Variants in ABLIM3 observed in about 807,000 individuals in gnomAD.
ABLIM3 encodes actin binding LIM protein family member 3.
In ABLIM3, 61 loss-of-function variants were observed where a neutral mutation model predicts 109.5. The ratio of observed to expected loss-of-function variants is 0.56; its 90% CI spans 0.45 to 0.69. The LOEUF (loss-of-function observed/expected upper bound fraction) is 0.69. ABLIM3 is among the 30% of genes least tolerant of loss of function. The pLI is 0.00. For synonymous variants in ABLIM3, 300 were observed against 324.8 expected, an observed-to-expected ratio of 0.92 and a Z score of 0.82; for missense variants, 796 against 889.5, an observed-to-expected ratio of 0.89 and a Z score of 1.34.
intron 2 of ABLIM3, chr5:149,177,000 T>G (rs1178446840): frequency 6.6e-6 from 1 of 152,292 alleles, no homozygotes; most frequent in Non-Finnish European, 1.5e-5. Flanking sequence ...CTTGTCCTCT[T>G]CTGTCTTGTC....
At chr5:149,174,780 C>T (rs1755774131) in intron 2 of ABLIM3, 1 of 152,192 alleles carries the variant, frequency 6.6e-6, no homozygotes, top group Non-Finnish European at 1.5e-5. Context: ...TGATGCCTGT[C>T]TGAACCCTAA....
At chr5:149,185,378 A>G (rs1407087601) in intron 3 of ABLIM3, among the ~76,000 whole-genome samples, 2 of 152,164 alleles carry the variant, frequency 1.3e-5, no homozygotes, top group Non-Finnish European at 2.9e-5. Flanking sequence ...TCCAAGTACA[A>G]TGAGAGAACA....
At chr5:149,250,640 G>A (rs1753832426) in intron 20 of ABLIM3, 135 bp downstream of exon 20, 20 of 1,016,736 alleles carry the variant, frequency 2.0e-5, no homozygotes, top group Middle Eastern at 4.5e-4. Context: ...CAACTGTATG[G>A]CAATGACTTG....
At chr5:149,206,863 G>A (rs1439915961) in intron 5 of ABLIM3, 145 bp from the exon 6 acceptor site, 3 of 1,061,790 alleles carry the variant, frequency 2.8e-6, no homozygotes, top group Non-Finnish European at 3.9e-6. Context: ...TCCCCTGGGA[G>A]AGCCTCTGGG....
In ABLIM3 at chr5:149,242,499, A is replaced by G. The variant is rs748597806; in HGVS notation, c.1312A>G (p.Ser438Gly). Residue 438 changes from serine (S) to glycine (G), a missense_variant, in exon 15 of 24, where the codon AGT becomes GGT. Transcript: ENST00000309868. ...PKHFHIPAGD[S>G]NIYRKPPIYK... ...CCTGGTCTGTCTGGCAGCTGGAGAC[A>G]GTAACATCTACCGGAAACCCCCGAT... is the stretch of plus-strand genomic sequence containing the variant. 1 of 1,614,092 alleles carries G rather than the reference A, an allele frequency of 6.2e-7. No homozygotes were observed. Among genetic ancestry groups the G allele is most frequent in the Admixed American group, 1.7e-5 (1 of 60,016 alleles).
At chr5:149,192,564 T>G (rs1229400169) in intron 3 of ABLIM3, among the ~76,000 whole-genome samples, 1 of 147,402 alleles carries the variant, frequency 6.8e-6, no homozygotes, top group Non-Finnish European at 1.5e-5. Context: ...AGGCAGAGCT[T>G]GCAGTGAGCC....
intron 8 of ABLIM3, among the ~76,000 whole-genome samples, chr5:149,225,982 G>GTATATATATATA (rs58844908): frequency 4.4e-4 from 20 of 45,516 alleles, no homozygotes; most frequent in Admixed American, 1.6e-3. Context: ...GTGTGTGTGT[G>GTATATATATATA]TATATATATA....
At chr5:149,257,511 T>C (rs1754541012) in intron 23 of ABLIM3, among the ~76,000 whole-genome samples, 2 of 152,238 alleles carry the variant, frequency 1.3e-5, no homozygotes, top group African/African-American at 4.8e-5. Flanking sequence ...TTTGAAAAAC[T>C]GTAGCTATCC....
chr5:149,162,138 C>T (rs545889036), intron 2 of ABLIM3, among the ~76,000 whole-genome samples: 1 of 152,358 alleles, frequency 6.6e-6, no homozygotes, highest in South Asian at 2.1e-4. Context: ...GGTTATTAAA[C>T]AGATGCCTTC....
intron 2 of ABLIM3, among the ~76,000 whole-genome samples, chr5:149,146,287 AT>A (rs1224635736): frequency 6.6e-6 from 1 of 152,144 alleles, no homozygotes; most frequent in East Asian, 1.9e-4. Flanking sequence ...TGTTGATAGT[AT>A]CTTTTGCAGT....
intron 6 of ABLIM3, 58 bp from the exon 7 acceptor site, chr5:149,210,668 T>C: frequency 1.4e-6 from 2 of 1,467,662 alleles, no homozygotes; most frequent in Non-Finnish European, 1.9e-6. Flanking sequence ...CTAAATGCCA[T>C]GTGCACCCTC....
At chr5:149,141,962 C>T in intron 1 of ABLIM3, 47 bp from the exon 2 acceptor site, 1 of 1,263,804 alleles carries the variant, frequency 7.9e-7, no homozygotes, top group Admixed American at 1.7e-5. Flanking sequence ...GGAGAGAGAG[C>T]ACCTGAGGAT....
At chr5:149,168,280 A>G (rs1251522638) in intron 2 of ABLIM3, among the ~76,000 whole-genome samples, 1 of 152,118 alleles carries the variant, frequency 6.6e-6, no homozygotes, top group Non-Finnish European at 1.5e-5. Context: ...AGCGCTCTGT[A>G]AGGGACTGGT....
At position 149,258,474 on chromosome 5, in the gene ABLIM3, A is replaced by G; in HGVS notation, c.*70A>G. ...TAAAATCTCTCTACTGAAGCTCGGTATAATCCTCTCTTGTGTAATGGGACA... is the reference window on the plus strand; with the variant it reads ...TAAAATCTCTCTACTGAAGCTCGGTGTAATCCTCTCTTGTGTAATGGGACA... On this transcript the variant is annotated 3_prime_UTR_variant, in exon 24 of 24. Coordinates refer to ENST00000309868, the MANE Select transcript of ABLIM3 (RefSeq NM_014945.5). 2.0e-6 allele frequency: 3 copies of G among 1,511,252 alleles called. No individual in the cohort carries two copies. The highest frequency in any genetic ancestry group is 2.6e-6 in the Non-Finnish European group (3 of 1,136,094). 93.6% of individuals were successfully genotyped at this position (1,511,252 alleles called of 1,614,324 possible).
intron 8 of ABLIM3, chr5:149,220,304 G>A (rs1008493356): frequency 6.6e-6 from 1 of 152,208 alleles, no homozygotes; most frequent in Non-Finnish European, 1.5e-5. Context: ...AGGAAGTAAA[G>A]TGCATAGCTT....
chr5:149,230,456 A>G (rs1485791987), intron 8 of ABLIM3, among the ~76,000 whole-genome samples, 193 bp from the exon 9 acceptor site: 20 of 152,162 alleles, frequency 1.3e-4, no homozygotes, highest in Admixed American at 1.3e-3. Context: ...TAGGATTTGG[A>G]CACACAGAAA....
intron 10 of ABLIM3, among the ~76,000 whole-genome samples, chr5:149,235,365 C>G (rs529506904): frequency 6.6e-6 from 1 of 152,162 alleles, no homozygotes; most frequent in Non-Finnish European, 1.5e-5. Context: ...CTGAAACGAG[C>G]AGGTTCTTTC....
intron 6 of ABLIM3, among the ~76,000 whole-genome samples, chr5:149,208,555 GA>G (rs1759247032): frequency 1.3e-5 from 2 of 152,074 alleles, no homozygotes; most frequent in Admixed American, 1.3e-4. Flanking sequence ...AAGCCTAGCA[GA>G]AAAAGAGGCC....
intron 2 of ABLIM3, among the ~76,000 whole-genome samples, chr5:149,149,349 T>G (rs1381565487): frequency 6.6e-6 from 1 of 152,234 alleles, no homozygotes; most frequent in Non-Finnish European, 1.5e-5. Context: ...TCTCAGTGAA[T>G]GGAGTTGAGT....
Sources: allele counts gnomAD v4.1 joint callset (sites outside exome capture counted in the v4.1 genomes callset), GRCh38; gene constraint gnomAD v4.1.1; transcripts MANE v1.5; gene names NCBI Gene and HGNC (gene_info 2026-07-23, HGNC 2026-07-21).